Variants in RNF213 observed in about 807,000 individuals in gnomAD.
RNF213 encodes ring finger protein 213, also known as E3 ubiquitin-protein ligase RNF213.
Under a neutral mutation model 514.4 loss-of-function variants are expected in RNF213, and 341 were observed. The observed-to-expected ratio is 0.66, with a 90% CI of 0.61 to 0.73. The LOEUF (loss-of-function observed/expected upper bound fraction) is 0.73, where lower values mean the gene tolerates loss of function less well. Among genes scored for constraint, RNF213 ranks in the 30% least tolerant of loss-of-function variants. The probability of loss-of-function intolerance (pLI) is 0.00; values close to 1 mark genes in which losing one functional copy is unlikely to be tolerated. For synonymous variants in RNF213, 2,655 were observed against 2,658.2 expected (o/e 1.00, Z 0.04); for missense variants, 5,767 against 6,615.6 (o/e 0.87, Z 4.45).
chr17:80,289,603 AAAAAAG>A, intron 5 of RNF213, 50 bp from the exon 6 acceptor site: 1 of 1,580,310 alleles, frequency 6.3e-7, no homozygotes, highest in Non-Finnish European at 8.6e-7. Context: ...AAAAAAAAAA[AAAAAAG>A]AAAATGTGGA....
Position 80,353,234 on chromosome 17 carries a change from G to T in RNF213, c.10423+175G>T. The T allele has an allele frequency of 1.1e-6, 1 of 917,626 alleles. No homozygotes were observed. The highest frequency in any genetic ancestry group is 2.6e-5 in the East Asian group (1 of 38,180). The allele number at this position is 917,626 out of a possible 1,614,324, so 56.8% of individuals were successfully genotyped here. ...TGGCTCATCATAGAGCACCAGGGCC[G>T]AGCAGGTGCGCTTACCACAGGCTGA... is the stretch of plus-strand genomic sequence containing the variant. On this transcript the variant is annotated intron_variant, in intron 33 of 67. Coordinates refer to ENST00000582970, the MANE Select transcript of RNF213 (RefSeq NM_001256071.3). The surrounding 1 kb of genome is among the most constrained non-coding windows in gnomAD (Gnocchi z 5.0).
chr17:80,385,298 T>C lies in RNF213; in HGVS notation c.14455+127T>C. 2.5e-6 allele frequency: 3 copies of C among 1,209,354 alleles called. No homozygotes were observed. In the South Asian group the frequency reaches 3.8e-5, roughly 15 times the overall value. 74.9% of individuals were successfully genotyped at this position (1,209,354 alleles called of 1,614,324 possible). A position where few individuals can be genotyped will look rare whatever the true frequency, so the allele number is the denominator to read the frequency against. On this transcript the variant is annotated intron_variant, in intron 60 of 67. Coordinates refer to ENST00000582970, the MANE Select transcript of RNF213 (RefSeq NM_001256071.3). The stretch of plus-strand genomic sequence containing the variant: ...ATGGGTGCTCTATAGCCTAAGCCCT[T>C]ACCATGCGGTGAAGGGTGCTTGAAC...
chr17:80,361,609 CCT>C, intron 38 of RNF213, 123 bp from the exon 39 acceptor site: 1 of 944,854 alleles, frequency 1.1e-6, no homozygotes, highest in East Asian at 2.5e-5. Context: ...AGTTGGTACC[CCT>C]TTGTCTACGA....
Position 80,295,762 on chromosome 17 carries a change from C to T in RNF213, c.1961C>T (p.Ser654Leu), listed in dbSNP as rs1473288970. 4 of 1,614,196 alleles carry T rather than the reference C, an allele frequency of 2.5e-6. No individual in the cohort carries two copies. Among genetic ancestry groups the T allele is most frequent in the Non-Finnish European group, 3.4e-6 (4 of 1,180,040 alleles). Reference protein sequence around the residue: ...LCHLLTSDASSPDEFHRDLSH... With the variant: ...LCHLLTSDASLPDEFHRDLSH... ...CACCTCCTAACCTCAGATGCCAGCTCACCAGATGAGTTTCACCGTGACCTA... is the reference window on the plus strand; with the variant it reads ...CACCTCCTAACCTCAGATGCCAGCTTACCAGATGAGTTTCACCGTGACCTA... Residue 654 changes from serine (S) to leucine (L), a missense_variant, in exon 10 of 68, where the codon TCA becomes TTA. By Grantham distance (145) the Ser-to-Leu change is moderately radical. Coordinates refer to ENST00000582970, the MANE Select transcript of RNF213 (RefSeq NM_001256071.3).
intron 26 of RNF213, chr17:80,340,608 G>GTTT (rs1203042611): frequency 1.0e-3 from 224 of 224,814 alleles, no homozygotes; most frequent in Non-Finnish European, 1.5e-3. Context: ...TGTACTTTGT[G>GTTT]GTTTTTTTTT....
Position 80,349,830 on chromosome 17 carries a change from A to G in RNF213, c.10012A>G (p.Thr3338Ala). The G allele has an allele frequency of 6.2e-7, 1 of 1,614,178 alleles. No homozygotes were observed. The highest frequency in any genetic ancestry group is 2.2e-5 in the East Asian group (1 of 44,884). ...CTGTGAAATTTTAGAATCAGAGGTC[A>G]CAGGCAGGGCTCCGAAACCCACACT... ...HDCEILESEVTGRAPKPTLLW... is the reference protein window; with the variant it reads ...HDCEILESEVAGRAPKPTLLW... Residue 3338 changes from threonine to alanine, a missense_variant, in exon 30 of 68, where the codon ACA becomes GCA. Coordinates refer to ENST00000582970, the MANE Select transcript of RNF213 (RefSeq NM_001256071.3).
intron 14 of RNF213, among the ~76,000 whole-genome samples, chr17:80,311,005 G>A (rs991648324): frequency 3.3e-5 from 5 of 152,206 alleles, no homozygotes; most frequent in Admixed American, 1.3e-4. Flanking sequence ...AGATGATCAC[G>A]TTCTCTGGAG....
At chr17:80,335,280 A>G (rs2077956681) in intron 22 of RNF213, among the ~76,000 whole-genome samples, 1 of 152,108 alleles carries the variant, frequency 6.6e-6, no homozygotes, top group Admixed American at 6.6e-5. Flanking sequence ...GTTTCTTGGC[A>G]GCCTCTTCAG....
At chr17:80,280,313 G>A (rs1388330616) in intron 3 of RNF213, among the ~76,000 whole-genome samples, 3 of 152,218 alleles carry the variant, frequency 2.0e-5, no homozygotes, top group East Asian at 1.9e-4. Context: ...AGTGAAGTCC[G>A]TGGAGAGGTG....
intron 10 of RNF213, among the ~76,000 whole-genome samples, chr17:80,297,712 G>A (rs148668623): frequency 0.033 from 4,848 of 148,598 alleles, 271 homozygotes; most frequent in African/African-American, 0.11. Flanking sequence ...GCGTGAACCC[G>A]AGAGGCAGAG....
At position 80,328,093 on chromosome 17, in the gene RNF213, AG is replaced by A. The variant is rs2046325376; in HGVS notation, c.3367+105del. 7.5e-6 allele frequency: 10 copies of A among 1,338,572 alleles called. No individual in the cohort carries two copies. In the South Asian group the frequency reaches 1.3e-4, roughly 18 times the overall value. 82.9% of individuals were successfully genotyped at this position (1,338,572 alleles called of 1,614,324 possible). A position where few individuals can be genotyped will look rare whatever the true frequency, so the allele number is the denominator to read the frequency against. Reference sequence around the variant, plus strand: ...TTTTTGTAAAGGAGATAATCATCTTAGCCTTGATAATGAGTATCTCTTCTTG... The same window carrying A: ...TTTTTGTAAAGGAGATAATCATCTTACCTTGATAATGAGTATCTCTTCTTG... On this transcript the variant is annotated intron_variant, in intron 19 of 67. Transcript: ENST00000582970.
In RNF213 at chr17:80,347,559, C is replaced by T. The variant is rs775450259; in HGVS notation, c.9224C>T (p.Pro3075Leu). 6.2e-7 allele frequency: 1 copy of T among 1,614,000 alleles called. No homozygotes were observed. The highest frequency in any genetic ancestry group is 2.2e-5 in the East Asian group (1 of 44,886). The change falls in exon 29 of 68, where the codon CCC becomes CTC. Residue 3075 changes from proline to leucine, a missense_variant. Pro to Leu is a moderately conservative substitution (Grantham distance 98, BLOSUM62 -3). Around this residue, in one of 13 missense-constraint regions of RNF213, gnomAD observed 919 missense variants for 1,121.0 expected, o/e 0.82. Transcript: ENST00000582970. The surrounding 1 kb of genome is among the most constrained non-coding windows in gnomAD (Gnocchi z 7.2). Reference protein sequence around the residue: ...QPEIIFGSGFPKDQEYTQLCR... With the variant: ...QPEIIFGSGFLKDQEYTQLCR... ...GAGATTATTTTTGGTTCTGGTTTCC[C>T]CAAGGACCAAGAGTACACCCAGCTC... is the stretch of plus-strand genomic sequence containing the variant.
At position 80,343,657 on chromosome 17, in the gene RNF213, AAAC is replaced by A. The variant is rs761424989; in HGVS notation, c.6184-198_6184-196del. ...TGTAAAACGGTGTATTTATGTGTCT[AAAC>A]ATAAAAATGGTACAGGGAAATATAG... On this transcript the variant is annotated intron_variant, in intron 27 of 67. Transcript: ENST00000582970. This position sits in a 1 kb window ranked among gnomAD's most constrained non-coding sequence, Gnocchi z 4.3. 1.6e-4 allele frequency among the ~76,000 whole-genome samples: 25 copies of A among 152,294 alleles called. 1 individual carries two copies. Among genetic ancestry groups the A allele is most frequent in the Non-Finnish European group, 2.9e-4 (20 of 68,032 alleles).
At position 80,377,734 on chromosome 17, in the gene RNF213, G is replaced by C. The variant is rs1460089629; in HGVS notation, c.13511-28G>C. ...TGGGTCATTGGGTGAAACCTCATTA[G>C]CCAATGTGTGTCCTGTTCTCTTCAC... On this transcript the variant is annotated intron_variant, in intron 53 of 67. Transcript: ENST00000582970. This position sits in a 1 kb window ranked among gnomAD's most constrained non-coding sequence, Gnocchi z 4.1. 20 of 1,613,998 alleles carry C rather than the reference G, an allele frequency of 1.2e-5. 1 individual carries two copies. Among genetic ancestry groups the C allele is most frequent in the Non-Finnish European group, 1.7e-5 (20 of 1,179,846 alleles).
intron 36 of RNF213, among the ~76,000 whole-genome samples, chr17:80,357,312 C>T (rs1173283644): frequency 6.6e-6 from 1 of 152,116 alleles, no homozygotes; most frequent in African/African-American, 2.4e-5. Context: ...AACAAAATGT[C>T]TTGTAGTTAA....
intron 11 of RNF213, 59 bp downstream of exon 11, chr17:80,298,577 G>A: frequency 1.9e-6 from 3 of 1,587,768 alleles, no homozygotes; most frequent in Non-Finnish European, 2.6e-6. Flanking sequence ...CCTACATTGT[G>A]CACCCGGAGT....
Position 80,344,898 on chromosome 17 carries a change from G to A in RNF213, c.6563G>A (p.Gly2188Asp), listed in dbSNP as rs751529205. The change falls in exon 29 of 68, where the codon GGC becomes GAC. Residue 2188 changes from glycine (G) to aspartate (D), a missense_variant. Physicochemically the swap from Gly to Asp is moderately conservative, Grantham distance 94 (BLOSUM62 -1). This residue lies in a region of RNF213 where 1,377 missense variants were observed against 1,635.2 expected (regional missense o/e 0.84). Transcript: ENST00000582970. ...QDLDTFQYQE[G>D]SVEGTPEECL... The stretch of plus-strand genomic sequence containing the variant: ...CTAGACACGTTTCAGTATCAAGAAG[G>A]CTCTGTCGAAGGCACCCCGGAGGAA... The A allele has an allele frequency of 6.2e-7, 1 of 1,614,150 alleles. No individual in the cohort carries two copies. The highest frequency in any genetic ancestry group is 1.7e-5 in the Admixed American group (1 of 60,014).
At position 80,347,262 on chromosome 17, in the gene RNF213, C is replaced by T. The variant is rs142075904; in HGVS notation, c.8927C>T (p.Pro2976Leu). 25 of 1,613,398 alleles carry T rather than the reference C, an allele frequency of 1.5e-5. No homozygotes were observed. The East Asian group carries it at 1.6e-4, about 10-fold the overall frequency. Residue 2976 changes from proline (P) to leucine (L), a missense_variant, in exon 29 of 68, where the codon CCG becomes CTG. Coordinates refer to ENST00000582970, the MANE Select transcript of RNF213 (RefSeq NM_001256071.3). This position sits in a 1 kb window ranked among gnomAD's most constrained non-coding sequence, Gnocchi z 7.2. Reference protein sequence around the residue: ...AAKASNRKPSPQDIAQAVLRN... With the variant: ...AAKASNRKPSLQDIAQAVLRN... ...AAGGCTTCAAATAGAAAGCCTTCCC[C>T]GCAAGACATTGCACAGGCTGTCCTT...
intron 20 of RNF213, among the ~76,000 whole-genome samples, chr17:80,330,849 G>T (rs1294090192): frequency 6.6e-6 from 1 of 152,152 alleles, no homozygotes; most frequent in Non-Finnish European, 1.5e-5. Flanking sequence ...ACAGAGTCTT[G>T]CCCTGTTGTC....
Sources: allele counts gnomAD v4.1 joint callset (sites outside exome capture counted in the v4.1 genomes callset), GRCh38; gene constraint gnomAD v4.1.1; regional missense constraint gnomAD v4.1.1; non-coding constraint Gnocchi (gnomAD v3.1); transcripts MANE v1.5; gene names NCBI Gene and HGNC (gene_info 2026-07-23, HGNC 2026-07-21).